TDP2: variants seen among roughly 807,000 people sequenced by gnomAD.
TDP2 encodes the protein tyrosyl-DNA phosphodiesterase 2.
Under a neutral mutation model 42.8 loss-of-function variants are expected in TDP2, and 38 were observed. The ratio of observed to expected loss-of-function variants is 0.89; its 90% CI spans 0.68 to 1.16. The LOEUF is 1.16. Among genes scored for constraint, TDP2 ranks in the 50% most tolerant of loss-of-function variants. The pLI is 0.00. For missense variants in TDP2, 439 were observed against 439.3 expected (o/e 1.00, Z 0.01); for synonymous variants, 173 against 150.6 (o/e 1.15, Z -1.09).
At chr6:24,662,725 A>C (rs1778172891) in intron 2 of TDP2, among the ~76,000 whole-genome samples, 1 of 151,998 alleles carries the variant, frequency 6.6e-6, no homozygotes, top group Admixed American at 6.6e-5. Context: ...CGTCTTATTT[A>C]TTTTCTCAGT....
At chr6:24,666,063 G>T (rs759208242) in intron 2 of TDP2, 3 of 1,520,936 alleles carry the variant, frequency 2.0e-6, no homozygotes, top group Non-Finnish European at 2.6e-6. Context: ...CTGGAGAGGG[G>T]CACTGAAATA....
chr6:24,666,299 G>A, intron 2 of TDP2: 1 of 1,532,740 alleles, frequency 6.5e-7, no homozygotes, highest in Non-Finnish European at 8.8e-7. Flanking sequence ...TTCCTCCCTG[G>A]ACCCCAAATC....
chr6:24,655,813 A>G (rs1778053157), intron 4 of TDP2, among the ~76,000 whole-genome samples: 1 of 152,188 alleles, frequency 6.6e-6, no homozygotes, highest in Admixed American at 6.5e-5. Flanking sequence ...TTTTGGAGAA[A>G]CAAAATGGTC....
intron 5 of TDP2, among the ~76,000 whole-genome samples, chr6:24,653,631 A>G (rs756049970): frequency 3.9e-5 from 6 of 152,238 alleles, no homozygotes; most frequent in African/African-American, 1.2e-4. Flanking sequence ...ACCATTTGCA[A>G]TTAAGACACC....
chr6:24,655,275 G>A (rs541432330), intron 4 of TDP2, among the ~76,000 whole-genome samples: 28 of 152,268 alleles, frequency 1.8e-4, no homozygotes, highest in Non-Finnish European at 3.8e-4. Flanking sequence ...TAGGAGTAGA[G>A]GCCATGAATG....
chr6:24,665,728 G>C (rs1425287056), intron 2 of TDP2, among the ~76,000 whole-genome samples: 9 of 152,098 alleles, frequency 5.9e-5, no homozygotes, highest in Non-Finnish European at 1.5e-5. Context: ...ACGGACTAAG[G>C]TATTGTAACA....
At chr6:24,651,471 A>T (rs1777973368) in intron 6 of TDP2, among the ~76,000 whole-genome samples, 1 of 152,214 alleles carries the variant, frequency 6.6e-6, no homozygotes, top group Non-Finnish European at 1.5e-5. Flanking sequence ...AAAAATTTCA[A>T]CTGCCTTCAG....
chr6:24,653,127 G>A lies in TDP2; in HGVS notation c.663C>T (p.Cys221=), dbSNP rs747342160. The A allele has an allele frequency of 2.0e-5, 33 of 1,613,956 alleles. No homozygotes were observed. The highest frequency in any genetic ancestry group is 1.8e-4 in the Admixed American group (11 of 59,996). ...TGCTCTCCAAATGGGATGTCATAAGGCAAAGCTCATTTCCTGACACGTTCA... is the reference window on the plus strand; with the variant it reads ...TGCTCTCCAAATGGGATGTCATAAGACAAAGCTCATTTCCTGACACGTTCA... The part of the protein sequence containing the change: ...VHVNVSGNEL[C]LMTSHLESTR... The change falls in exon 6 of 7, where the codon TGC becomes TGT. Residue 221 remains cysteine (C), a synonymous_variant. Transcript: ENST00000378198.
chr6:24,662,671 C>T (rs1391548646), intron 2 of TDP2, among the ~76,000 whole-genome samples: 1 of 152,076 alleles, frequency 6.6e-6, no homozygotes, highest in Non-Finnish European at 1.5e-5. Flanking sequence ...ATGCTAAGCG[C>T]CGGTCCCCTG....
Position 24,650,622 on chromosome 6 carries a change from A to C in TDP2, c.*166T>G. 1 of 691,430 alleles carries C rather than the reference A, an allele frequency of 1.4e-6. No individual in the cohort carries two copies. Among genetic ancestry groups the C allele is most frequent in the Non-Finnish European group, 2.4e-6 (1 of 423,560 alleles). 42.8% of individuals were successfully genotyped at this position (691,430 alleles called of 1,614,324 possible). On this transcript the variant is annotated 3_prime_UTR_variant, in exon 7 of 7. Transcript: ENST00000378198. ...ATGCAGGAATGTGTTCGTTTAAATA[A>C]ACATTAATCTTTAATGTTGAATTCT...
rs1562152193 is a variant in TDP2, at chr6:24,666,764, G to A, written c.99C>T (p.Ala33=). The part of the protein sequence containing the change: ...KKRRLLCVEF[A]SVASCDAAVA... ...CTGCGGCATCGCAGCTTGCGACCGA[G>A]GCAAACTCCACACACAGAAGTCGCC... The change falls in exon 1 of 7, where the codon GCC becomes GCT. Residue 33 remains alanine (A), a synonymous_variant. Transcript: ENST00000378198. The A allele has an allele frequency of 6.2e-7, 1 of 1,614,262 alleles. No individual in the cohort carries two copies.
chr6:24,664,936 C>G (rs1228904587), intron 2 of TDP2, among the ~76,000 whole-genome samples: 1 of 152,174 alleles, frequency 6.6e-6, no homozygotes, highest in African/African-American at 2.4e-5. Flanking sequence ...TGATCCGCAT[C>G]TTTTCTGAGG....
rs185298008 is a variant in TDP2, at chr6:24,666,514, C to T, written c.251+12G>A. 6.3e-4 allele frequency: 1,020 copies of T among 1,613,554 alleles called. 1 individual carries two copies. The highest frequency in any genetic ancestry group is 8.3e-4 in the Non-Finnish European group (975 of 1,179,506). The stretch of plus-strand genomic sequence containing the variant: ...TCCGTGCGGACTGGCTCCCGCTCCC[C>T]TCATCACTTACTAGGTCTTGGGCTC... On this transcript the variant is annotated intron_variant, in intron 2 of 6. Coordinates refer to ENST00000378198, the MANE Select transcript of TDP2 (RefSeq NM_016614.3).
At chr6:24,651,641 G>GTGC (rs1777976931) in intron 6 of TDP2, among the ~76,000 whole-genome samples, 1 of 151,502 alleles carries the variant, frequency 6.6e-6, no homozygotes, top group African/African-American at 2.4e-5. Context: ...GCCCAGGATG[G>GTGC]AGTGGTGCAA....
intron 4 of TDP2, among the ~76,000 whole-genome samples, chr6:24,656,979 G>A (rs999494350): frequency 3.9e-5 from 6 of 152,176 alleles, no homozygotes; most frequent in African/African-American, 1.4e-4. Context: ...CAGACTGAGA[G>A]AGAACCCTCT....
Position 24,650,904 on chromosome 6 carries a change from C to T in TDP2, c.973G>A (p.Glu325Lys), listed in dbSNP as rs1273777339. The change falls in exon 7 of 7, where the codon GAA becomes AAA. Residue 325 changes from glutamate (E) to lysine (K), a missense_variant. Physicochemically the swap from Glu to Lys is moderately conservative, Grantham distance 56 (BLOSUM62 1). Transcript: ENST00000378198. ...FDRIFFRAAA[E>K]EGHIIPRSLD... The stretch of plus-strand genomic sequence containing the variant: ...CTTCGGGGAATAATGTGTCCCTCTT[C>T]TGCTGCTGCTCTGAAAAATATTCGA... The T allele has an allele frequency of 6.2e-7, 1 of 1,614,148 alleles. No homozygotes were observed. Among genetic ancestry groups the T allele is most frequent in the Non-Finnish European group, 8.5e-7 (1 of 1,180,010 alleles).
intron 4 of TDP2, among the ~76,000 whole-genome samples, chr6:24,656,078 TAAAC>T (rs1257030088): frequency 6.6e-6 from 1 of 151,170 alleles, no homozygotes; most frequent in Non-Finnish European, 1.5e-5. Context: ...ATAATCAAAA[TAAAC>T]AAAAAGAAGG....
Position 24,650,835 on chromosome 6 carries a change from G to A in TDP2, c.1042C>T (p.Pro348Ser). The A allele has an allele frequency of 1.2e-6, 2 of 1,614,106 alleles. No homozygotes were observed. Among genetic ancestry groups the A allele is most frequent in the East Asian group, 2.2e-5 (1 of 44,874 alleles). ...GLEKLDCGRF[P>S]SDHWGLLCNL... The stretch of plus-strand genomic sequence containing the variant: ...CACAGAAGACCCCAGTGATCACTAG[G>A]AAATCTACCACAGTCCAGTTTTTCT... Residue 348 changes from proline (P) to serine (S), a missense_variant, in exon 7 of 7, where the codon CCT (proline) becomes TCT (serine). Pro to Ser is a moderately conservative substitution (Grantham distance 74). Coordinates refer to ENST00000378198, the MANE Select transcript of TDP2 (RefSeq NM_016614.3).
chr6:24,663,175 C>G (rs1235258437), intron 2 of TDP2, among the ~76,000 whole-genome samples: 1 of 152,170 alleles, frequency 6.6e-6, no homozygotes, highest in African/African-American at 2.4e-5. Flanking sequence ...ATATGCCAGG[C>G]ACAATTCCAA....
Sources: allele counts gnomAD v4.1 joint callset (sites outside exome capture counted in the v4.1 genomes callset), GRCh38; gene constraint gnomAD v4.1.1; transcripts MANE v1.5; gene names NCBI Gene and HGNC (gene_info 2026-07-23, HGNC 2026-07-21).